EIF4B: variants seen among roughly 807,000 people sequenced by gnomAD.
EIF4B encodes the protein eukaryotic translation initiation factor 4B.
EIF4B carries 8 observed loss-of-function variants against 79.3 expected under a neutral mutation model. The observed-to-expected ratio is 0.10, with a 90% CI of 0.06 to 0.18. EIF4B has a LOEUF of 0.18. EIF4B is among the 10% of genes least tolerant of loss of function. The probability of loss-of-function intolerance (pLI) is 1.00; values close to 1 mark genes in which losing one functional copy is unlikely to be tolerated. For synonymous variants in EIF4B, 238 were observed against 274.7 expected (o/e 0.87, Z 1.32); for missense variants, 515 against 792.4 (o/e 0.65, Z 4.20).
In EIF4B at chr12:53,006,456, C is replaced by G. The variant is rs768855509; in HGVS notation, c.-28C>G. On this transcript the variant is annotated 5_prime_UTR_variant, in exon 1 of 15. Transcript: ENST00000262056. ...AATCACGTGATTGCCTCATCCGGGTCTTTTGCGTTCTCTTTCCCTCTCCCA... is the reference window on the plus strand; with the variant it reads ...AATCACGTGATTGCCTCATCCGGGTGTTTTGCGTTCTCTTTCCCTCTCCCA... The G allele has an allele frequency of 4.3e-6, 7 of 1,613,026 alleles. No individual in the cohort carries two copies. Among genetic ancestry groups the G allele is most frequent in the African/African-American group, 4.0e-5 (3 of 74,906 alleles).
chr12:53,022,338 A>C (rs78095116), intron 5 of EIF4B, 155 bp from the exon 6 acceptor site: 53,326 of 1,085,054 alleles, frequency 0.049, 1,904 homozygotes, highest in South Asian at 0.13. Flanking sequence ...CCTGGGGTTG[A>C]ATTGGAGCAT....
At position 53,017,130 on chromosome 12, in the gene EIF4B, G is replaced by A. The variant is rs1943161283; in HGVS notation, c.151+520G>A. Among the ~76,000 whole-genome samples the A allele has an allele frequency of 2.0e-5, 3 of 152,200 alleles. No individual in the cohort carries two copies. The South Asian group carries it at 6.2e-4, about 32-fold the overall frequency. On this transcript the variant is annotated intron_variant, in intron 2 of 14. Transcript: ENST00000262056. ...TAGCTGGGCGTGGTGGCATGTGCCT[G>A]TAATTTCAGCTACTCGGGAGGCTGG...
At chr12:53,032,136 C>T (rs1291554355) in intron 8 of EIF4B, among the ~76,000 whole-genome samples, 1 of 152,084 alleles carries the variant, frequency 6.6e-6, no homozygotes, top group Non-Finnish European at 1.5e-5. Flanking sequence ...TACACAGAGA[C>T]AAGGGTATAA....
intron 6 of EIF4B, among the ~76,000 whole-genome samples, chr12:53,024,537 C>T (rs755906371): frequency 1.5e-4 from 23 of 152,302 alleles, no homozygotes; most frequent in Non-Finnish European, 2.5e-4. Flanking sequence ...CAAAATATGA[C>T]ATTCACTAAA....
rs140133257 is a variant in EIF4B, at chr12:53,034,042, G to T, written c.1208+8G>T. Reference sequence around the variant, plus strand: ...ACGACGGCCTCGGGAGAGGTGTGTTGTCTTGATGGATATCCCATCTAGGAA... The same window carrying T: ...ACGACGGCCTCGGGAGAGGTGTGTTTTCTTGATGGATATCCCATCTAGGAA... On this transcript the variant is annotated splice_region_variant and intron_variant, in intron 9 of 14. Transcript: ENST00000262056. The T allele has an allele frequency of 8.0e-4, 1,285 of 1,602,674 alleles. 11 individuals are homozygous for T. The East Asian group carries it at 0.023, about 29-fold the overall frequency.
At chr12:53,022,346 C>A in intron 5 of EIF4B, 147 bp from the exon 6 acceptor site, 1 of 1,138,796 alleles carries the variant, frequency 8.8e-7, no homozygotes, top group Non-Finnish European at 1.3e-6. Context: ...TGAATTGGAG[C>A]ATGTACTTAT....
At chr12:53,029,120 C>CAAA (rs35596570) in intron 8 of EIF4B, among the ~76,000 whole-genome samples, 6 of 145,062 alleles carry the variant, frequency 4.1e-5, no homozygotes, top group Non-Finnish European at 9.1e-5. Flanking sequence ...GAGACTGTCT[C>CAAA]AAAAAAAAAA....
chr12:53,034,132 C>T (rs1943495906), intron 9 of EIF4B, 98 bp downstream of exon 9: 1 of 1,252,922 alleles, frequency 8.0e-7, no homozygotes, highest in Non-Finnish European at 1.1e-6. Context: ...GTCGTTATCA[C>T]ATTAGTGGTT....
chr12:53,026,675 C>T (rs1238643526), intron 6 of EIF4B, among the ~76,000 whole-genome samples: 3 of 152,180 alleles, frequency 2.0e-5, no homozygotes, highest in Non-Finnish European at 4.4e-5. Context: ...AATCTTGGAT[C>T]ATTGCAACCT....
Position 53,033,836 on chromosome 12 carries a change from A to C in EIF4B, c.1010A>C (p.Lys337Thr). The C allele has an allele frequency of 6.2e-7, 1 of 1,606,442 alleles. No individual in the cohort carries two copies. Among genetic ancestry groups the C allele is most frequent in the Non-Finnish European group, 8.5e-7 (1 of 1,176,314 alleles). The change falls in exon 9 of 15, where the codon AAG (lysine) becomes ACG (threonine). Residue 337 changes from lysine to threonine, a missense_variant. Around this residue, in one of 6 missense-constraint regions of EIF4B, gnomAD observed 187 missense variants for 256.5 expected, o/e 0.73. Transcript: ENST00000262056. Reference sequence around the variant, plus strand: ...CCCCAAAGACCCAAACTGAATCTAAAGCCTCGGAGTACTCCTAAGGAAGAT... The same window carrying C: ...CCCCAAAGACCCAAACTGAATCTAACGCCTCGGAGTACTCCTAAGGAAGAT... Reference protein sequence around the residue: ...GPPQRPKLNLKPRSTPKEDDS... With the variant: ...GPPQRPKLNLTPRSTPKEDDS...
intron 6 of EIF4B, among the ~76,000 whole-genome samples, chr12:53,025,951 C>CAA (rs921100830): frequency 5.4e-5 from 8 of 148,374 alleles, no homozygotes; most frequent in Admixed American, 1.3e-4. Context: ...ACTAAAAATA[C>CAA]AAAAAAAAAA....
In EIF4B at chr12:53,012,900, C is replaced by T. The variant is rs1325038594; in HGVS notation, c.14-3573C>T. Among the ~76,000 whole-genome samples the T allele has an allele frequency of 3.9e-5, 6 of 152,274 alleles. No individual in the cohort carries two copies. In the East Asian group the frequency reaches 1.2e-3, roughly 29 times the overall value. Reference sequence around the variant, plus strand: ...GGATTACAGGCGTGAGCCACCACACCCAACAGTAATTTCTTAACCAGAGGG... The same window carrying T: ...GGATTACAGGCGTGAGCCACCACACTCAACAGTAATTTCTTAACCAGAGGG... On this transcript the variant is annotated intron_variant, in intron 1 of 14. Transcript: ENST00000262056.
At chr12:53,033,771 T>C (rs371777333) in intron 8 of EIF4B, 35 bp from the exon 9 acceptor site, 2 of 1,552,016 alleles carry the variant, frequency 1.3e-6, no homozygotes, top group Non-Finnish European at 1.7e-6. Flanking sequence ...TTCTGGTGAT[T>C]GGAAAACTAT....
At chr12:53,030,265 C>T (rs537732216) in intron 8 of EIF4B, among the ~76,000 whole-genome samples, 3 of 126,540 alleles carry the variant, frequency 2.4e-5, no homozygotes, top group Non-Finnish European at 3.4e-5. Context: ...CTGTAGTCCC[C>T]GTGTCTTAGG....
intron 5 of EIF4B, among the ~76,000 whole-genome samples, chr12:53,022,102 C>T (rs1943254943): frequency 1.3e-5 from 2 of 152,190 alleles, no homozygotes; most frequent in South Asian, 4.1e-4. Context: ...GGGAATAGGA[C>T]AGTCCCCATC....
rs539228327 is a variant in EIF4B, at chr12:53,034,922, GA to G, written c.1306+215del. Among the ~76,000 whole-genome samples, 294 of 148,772 alleles carry G rather than the reference GA, an allele frequency of 2.0e-3. 1 individual carries two copies. The highest frequency in any genetic ancestry group is 3.5e-3 in the Middle Eastern group (1 of 286). On this transcript the variant is annotated intron_variant, in intron 10 of 14. Transcript: ENST00000262056. ...ATGATCTGCTTAATAATCTACCACT[GA>G]AGTGTATACTTGGTTGTTAGGTTTG...
At chr12:53,020,458 G>T (rs547422506) in intron 4 of EIF4B, among the ~76,000 whole-genome samples, 1 of 152,116 alleles carries the variant, frequency 6.6e-6, no homozygotes, top group African/African-American at 2.4e-5. Flanking sequence ...TCATTTAAGA[G>T]GATTTGGAAA....
At position 53,028,107 on chromosome 12, in the gene EIF4B, G is replaced by T; in HGVS notation, c.898G>T (p.Asp300Tyr). Residue 300 changes from aspartate (D) to tyrosine (Y), a missense_variant, in exon 8 of 15, where the codon GAC (aspartate) becomes TAC (tyrosine). By Grantham distance (160) the Asp-to-Tyr change is radical. This residue lies in a region of EIF4B where 187 missense variants were observed against 256.5 expected (regional missense o/e 0.73). Transcript: ENST00000262056. ...CAGAGGAGGCGGGGACCGCTATGAA[G>T]ACCGATATGACAGACGGGATGATCG... ...DYRGGGDRYEDRYDRRDDRSW... is the reference protein window; with the variant it reads ...DYRGGGDRYEYRYDRRDDRSW... 6.2e-7 allele frequency: 1 copy of T among 1,614,124 alleles called. No homozygotes were observed. Among genetic ancestry groups the T allele is most frequent in the Non-Finnish European group, 8.5e-7 (1 of 1,180,000 alleles).
In EIF4B at chr12:53,022,497, G is replaced by A. The variant is rs765049984; in HGVS notation, c.537G>A (p.Arg179=). ...TTTGTTTTAATGTATCTGTAGACAG[G>A]GATGATCGTTCTTTTGGCCGTGATA... The part of the protein sequence containing the change: ...DVADQAQDKD[R]DDRSFGRDRN... Residue 179 remains arginine, a synonymous_variant, in exon 6 of 15, where the codon AGG becomes AGA. Transcript: ENST00000262056. 1.2e-6 allele frequency: 2 copies of A among 1,613,130 alleles called. No homozygotes were observed. The highest frequency in any genetic ancestry group is 1.1e-5 in the South Asian group (1 of 91,024).
Sources: allele counts gnomAD v4.1 joint callset (sites outside exome capture counted in the v4.1 genomes callset), GRCh38; gene constraint gnomAD v4.1.1; regional missense constraint gnomAD v4.1.1; transcripts MANE v1.5; gene names NCBI Gene and HGNC (gene_info 2026-07-23, HGNC 2026-07-21).